The following EHMT1 variants were observed in gnomAD, a reference collection of about 807,000 sequenced individuals.
EHMT1 encodes histone-lysine N-methyltransferase EHMT1.
A neutral mutation model predicts 147.2 loss-of-function variants in EHMT1; 15 were observed. That is an observed-to-expected ratio of 0.10 (90% CI 0.07 to 0.16). The LOEUF is 0.16. Ranked by LOEUF, EHMT1 falls within the 10% of genes least tolerant of loss-of-function variation. The pLI is 1.00. For synonymous variants in EHMT1, 795 were observed against 709.6 expected, an observed-to-expected ratio of 1.12 and a Z score of -1.91; for missense variants, 1,587 against 1,772.4, an observed-to-expected ratio of 0.90 and a Z score of 1.88.
intron 1 of EHMT1, among the ~76,000 whole-genome samples, chr9:137,697,447 T>G (rs189451342): frequency 6.6e-6 from 1 of 152,216 alleles, no homozygotes; most frequent in Non-Finnish European, 1.5e-5. Context: ...GGCCTGGCCT[T>G]GTGCTCACTG....
intron 1 of EHMT1, among the ~76,000 whole-genome samples, chr9:137,677,229 G>C (rs1941443915): frequency 6.6e-6 from 1 of 152,004 alleles, no homozygotes; most frequent in African/African-American, 2.4e-5. Flanking sequence ...CACCTCCCAG[G>C]TTTAAACGAT....
chr9:137,821,087 G>A (rs1474789847), intron 25 of EHMT1, among the ~76,000 whole-genome samples: 2 of 152,154 alleles, frequency 1.3e-5, no homozygotes, highest in Non-Finnish European at 2.9e-5. Context: ...CCATGTTAGC[G>A]GGATGGTCTT....
At chr9:137,756,992 T>C (rs1949424667) in intron 8 of EHMT1, among the ~76,000 whole-genome samples, 1 of 152,214 alleles carries the variant, frequency 6.6e-6, no homozygotes, top group South Asian at 2.1e-4. Flanking sequence ...GTCATTGAAA[T>C]AAGATTGGTG....
intron 1 of EHMT1, chr9:137,640,913 A>C (rs1003595531): frequency 5.5e-4 from 87 of 159,176 alleles, no homozygotes; most frequent in African/African-American, 2.1e-3. Context: ...CTGGGTGAGC[A>C]CAAGAGGGAA....
intron 3 of EHMT1, among the ~76,000 whole-genome samples, chr9:137,724,322 G>A (rs892086320): frequency 1.4e-5 from 2 of 139,242 alleles, no homozygotes; most frequent in African/African-American, 2.6e-5. Flanking sequence ...GGGGCCTCCC[G>A]CCCCCACAGG....
intron 8 of EHMT1, 152 bp from the exon 9 acceptor site, chr9:137,757,728 G>T: frequency 1.8e-6 from 2 of 1,126,126 alleles, no homozygotes; most frequent in African/African-American, 1.6e-5. Context: ...AACTGGAATG[G>T]TCTAAACCAT....
intron 25 of EHMT1, among the ~76,000 whole-genome samples, chr9:137,821,465 C>A (rs1955418779): frequency 6.6e-6 from 1 of 151,814 alleles, no homozygotes; most frequent in Non-Finnish European, 1.5e-5. Context: ...GTAGGTAGGA[C>A]TACAAGTGTG....
chr9:137,657,521 T>G (rs1454468430), intron 1 of EHMT1, among the ~76,000 whole-genome samples: 1 of 150,814 alleles, frequency 6.6e-6, no homozygotes, highest in African/African-American at 2.4e-5. Flanking sequence ...TTAATAAAAA[T>G]TTTTTATTTT....
At chr9:137,817,380 C>G in intron 23 of EHMT1, 59 bp from the exon 24 acceptor site, 1 of 1,599,308 alleles carries the variant, frequency 6.3e-7, no homozygotes, top group African/African-American at 1.3e-5. Flanking sequence ...CTTTTGCTGA[C>G]CATTGTGGCA....
intron 15 of EHMT1, chr9:137,788,992 C>G (rs545464136): frequency 2.0e-5 from 3 of 152,620 alleles, no homozygotes. Context: ...GGGTGTCGCT[C>G]TGACTCTTCC....
rs1221520708 is a variant in EHMT1 at position 137,716,648 on chromosome 9, A to G, written c.108A>G (p.Glu36=). The G allele has an allele frequency of 1.3e-6, 2 of 1,582,538 alleles. No individual in the cohort carries two copies. Among genetic ancestry groups the G allele is most frequent in the Admixed American group, 1.7e-5 (1 of 57,368 alleles). ...LGEETPMAAD[E]GSAEKQAGEA... is the part of the protein sequence containing the mutation. ...CAGAGACACCTATGGCTGCCGATGAAGGCTCAGCAGAGAAACAGGCAGGAG... is the reference window on the plus strand; with the variant it reads ...CAGAGACACCTATGGCTGCCGATGAGGGCTCAGCAGAGAAACAGGCAGGAG... The change falls in exon 3 of 27, where the codon GAA becomes GAG. Residue 36 remains glutamate, a synonymous_variant. Transcript: ENST00000460843.
At chr9:137,725,355 A>G (rs917191606) in intron 3 of EHMT1, among the ~76,000 whole-genome samples, 1 of 152,162 alleles carries the variant, frequency 6.6e-6, no homozygotes, top group African/African-American at 2.4e-5. Flanking sequence ...AGGTGCCTTC[A>G]TTAGTGGACA....
chr9:137,778,082 A>G (rs753303718), intron 13 of EHMT1, 27 bp downstream of exon 13: 3 of 1,613,474 alleles, frequency 1.9e-6, no homozygotes, highest in African/African-American at 1.3e-5. Context: ...GATTTCAGAG[A>G]TGTCTCAGAG....
intron 1 of EHMT1, 69 bp downstream of exon 1, chr9:137,619,118 A>C: frequency 4.3e-6 from 2 of 468,522 alleles, no homozygotes; most frequent in Non-Finnish European, 5.5e-6. Flanking sequence ...GCGGGGGCGA[A>C]GAACCGGGCG....
intron 4 of EHMT1, among the ~76,000 whole-genome samples, chr9:137,734,652 G>A (rs1005460250): frequency 2.0e-5 from 3 of 152,184 alleles, no homozygotes; most frequent in African/African-American, 4.8e-5. Flanking sequence ...CAGTAGACAC[G>A]TTATACTTGA....
In EHMT1 at chr9:137,775,897, GTGTC is replaced by G. The variant is rs961470309; in HGVS notation, c.1791+649_1791+652del. 5.9e-5 allele frequency among the ~76,000 whole-genome samples: 9 copies of G among 151,756 alleles called. No individual in the cohort carries two copies. Among genetic ancestry groups the G allele is most frequent in the African/African-American group, 1.7e-4 (7 of 41,268 alleles). ...GTGCATGTAGGGTGTGTGTGTGTGTGTGTCTGTGCGCGCACACATCTGTGTGAGC... is the reference window on the plus strand; with the variant it reads ...GTGCATGTAGGGTGTGTGTGTGTGTGTGTGCGCGCACACATCTGTGTGAGC... On this transcript the variant is annotated intron_variant, in intron 11 of 26. Transcript: ENST00000460843. The surrounding 1 kb of genome is among the most constrained non-coding windows in gnomAD (Gnocchi z 6.1).
chr9:137,681,189 T>C (rs2480110), intron 1 of EHMT1, among the ~76,000 whole-genome samples: 145,293 of 152,238 alleles, frequency 0.95, 69,433 homozygotes, highest in East Asian at 1. Context: ...GAGGGAGAAC[T>C]GGGTGGTTCA....
In EHMT1 at chr9:137,801,085, G is replaced by A. The variant is rs566881034; in HGVS notation, c.2712+101G>A. ...CAAAAGCAGAACCCTGGCACCTGGT[G>A]GCGGCTTTGACCTCTTCCTGTGGCA... is the stretch of plus-strand genomic sequence containing the variant. On this transcript the variant is annotated intron_variant, in intron 18 of 26. Transcript: ENST00000460843. The A allele has an allele frequency of 1.9e-5, 21 of 1,079,674 alleles. No individual in the cohort carries two copies. In the Middle Eastern group the frequency reaches 5.9e-4, roughly 31 times the overall value. The allele number at this position is 1,079,674 out of a possible 1,614,324, so 66.9% of individuals were successfully genotyped here.
At chr9:137,768,056 C>G (rs544521515) in intron 10 of EHMT1, among the ~76,000 whole-genome samples, 9 of 152,000 alleles carry the variant, frequency 5.9e-5, no homozygotes, top group Admixed American at 5.9e-4. Flanking sequence ...ACTTTGTAGC[C>G]GAGGAGCAAC....
Sources: gnomAD v4.1 joint callset for allele counts (sites outside exome capture counted in the v4.1 genomes callset) on GRCh38, gnomAD v4.1.1 for gene constraint, Gnocchi (gnomAD v3.1) non-coding constraint, MANE v1.5 for transcripts, NCBI Gene and HGNC (gene_info 2026-07-23, HGNC 2026-07-21) for gene names.